Variants in CCNF observed in about 807,000 individuals in gnomAD.
CCNF encodes the protein cyclin F, also known as cyclin-F.
Under a neutral mutation model 85.4 loss-of-function variants are expected in CCNF, and 30 were observed. That is an observed-to-expected ratio of 0.35 (90% CI 0.26 to 0.48). The LOEUF (loss-of-function observed/expected upper bound fraction) is 0.48. Ranked by LOEUF, CCNF falls within the 20% of genes least tolerant of loss-of-function variation. The probability of loss-of-function intolerance (pLI) is 0.99; values close to 1 mark genes in which losing one functional copy is unlikely to be tolerated. For synonymous variants in CCNF, 439 were observed against 425.1 expected (o/e 1.03, Z -0.40); for missense variants, 919 against 1,010.4 (o/e 0.91, Z 1.23).
intron 2 of CCNF, among the ~76,000 whole-genome samples, chr16:2,432,049 C>T (rs1039790979): frequency 2.0e-5 from 3 of 152,064 alleles, no homozygotes; most frequent in Non-Finnish European, 4.4e-5. Context: ...CCAGGATGGT[C>T]TCTATCTCTT....
intron 2 of CCNF, among the ~76,000 whole-genome samples, chr16:2,431,545 T>C (rs954054491): frequency 6.6e-6 from 1 of 151,654 alleles, no homozygotes; most frequent in Admixed American, 6.6e-5. Context: ...CCGGGCGTGG[T>C]GTCTCACGCC....
At chr16:2,435,327 C>T (rs563498920) in intron 3 of CCNF, among the ~76,000 whole-genome samples, 2 of 151,526 alleles carry the variant, frequency 1.3e-5, no homozygotes, top group Non-Finnish European at 1.5e-5. Context: ...CCTATAATCC[C>T]AGCACTTTAT....
Position 2,456,627 on chromosome 16 carries a change from G to A in CCNF, c.1968G>A (p.Glu656=). The change falls in exon 17 of 17, where the codon GAG becomes GAA. Residue 656 remains glutamate (E), a synonymous_variant. Coordinates refer to ENST00000397066, the MANE Select transcript of CCNF (RefSeq NM_001761.3). This position sits in a 1 kb window ranked among gnomAD's most constrained non-coding sequence, Gnocchi z 4.5. ...EQHCCQESSD[E]EACPEDKGPQ... is the part of the protein sequence containing the mutation. ...ATTGCTGCCAGGAATCCAGTGATGA[G>A]GAGGCTTGTCCAGAGGACAAGGGAC... 1 of 1,609,880 alleles carries A rather than the reference G, an allele frequency of 6.2e-7. No homozygotes were observed. Among genetic ancestry groups the A allele is most frequent in the Non-Finnish European group, 8.5e-7 (1 of 1,178,536 alleles).
intron 12 of CCNF, among the ~76,000 whole-genome samples, 167 bp from the exon 13 acceptor site, chr16:2,449,661 A>C (rs1295834956): frequency 6.6e-6 from 1 of 152,068 alleles, no homozygotes; most frequent in Non-Finnish European, 1.5e-5. Flanking sequence ...GTTTTTTTCA[A>C]AACTATTTTA....
At position 2,439,584 on chromosome 16, in the gene CCNF, C is replaced by T. The variant is rs533012240; in HGVS notation, c.699+127C>T. 2,681 of 898,434 alleles carry T rather than the reference C, an allele frequency of 3.0e-3. 98 individuals carry two copies. In the South Asian group the frequency reaches 0.039, roughly 13 times the overall value. The allele number at this position is 898,434 out of a possible 1,614,324, so 55.7% of individuals were successfully genotyped here. ...TTGCTGCTCCCGGTCTCTCAGCCTCCGGGAACCACTGGTCAGTCGGCTATT... is the reference window on the plus strand; with the variant it reads ...TTGCTGCTCCCGGTCTCTCAGCCTCTGGGAACCACTGGTCAGTCGGCTATT... On this transcript the variant is annotated intron_variant, in intron 7 of 16. Coordinates refer to ENST00000397066, the MANE Select transcript of CCNF (RefSeq NM_001761.3).
In CCNF at chr16:2,429,456, C is replaced by G; in HGVS notation, c.-26C>G. ...GCGCGGGCGCGCTCTCAGGCGGGCT[C>G]CGGCGGCAGCGACGCGAGCGCGGCG... On this transcript the variant is annotated 5_prime_UTR_variant, in exon 1 of 17. Coordinates refer to ENST00000397066, the MANE Select transcript of CCNF (RefSeq NM_001761.3). The G allele has an allele frequency of 8.2e-7, 1 of 1,221,460 alleles. No individual in the cohort carries two copies. Among genetic ancestry groups the G allele is most frequent in the Non-Finnish European group, 1.0e-6 (1 of 982,070 alleles). The allele number at this position is 1,221,460 out of a possible 1,614,324, so 75.7% of individuals were successfully genotyped here. A position where few individuals can be genotyped will look rare whatever the true frequency, so the allele number is the denominator to read the frequency against.
chr16:2,431,873 C>CA (rs2065264695), intron 2 of CCNF, among the ~76,000 whole-genome samples: 3 of 151,348 alleles, frequency 2.0e-5, no homozygotes, highest in Non-Finnish European at 4.4e-5. Flanking sequence ...CTCTGCCACC[C>CA]AGGCTGGAGT....
intron 10 of CCNF, among the ~76,000 whole-genome samples, chr16:2,447,255 A>G (rs1245253218): frequency 6.6e-6 from 1 of 152,002 alleles, no homozygotes; most frequent in African/African-American, 2.4e-5. Context: ...AGCTCCCTCA[A>G]ATCAACTCTG....
chr16:2,449,001 T>C, intron 11 of CCNF, 23 bp downstream of exon 11: 1 of 1,613,242 alleles, frequency 6.2e-7, no homozygotes. Flanking sequence ...TCCATTTTCC[T>C]TATTAATCTT....
chr16:2,445,726 GT>G (rs141290345), intron 10 of CCNF, 104 bp downstream of exon 10: 1 of 835,020 alleles, frequency 1.2e-6, no homozygotes, highest in African/African-American at 1.9e-5. Flanking sequence ...TTTGTTTTGT[GT>G]TGTTTTTTTT....
intron 8 of CCNF, among the ~76,000 whole-genome samples, chr16:2,442,364 A>G (rs1451689395): frequency 8.6e-6 from 1 of 116,896 alleles, no homozygotes. Context: ...CTATTATTAT[A>G]TTATAACATA....
rs563403314 is a variant in CCNF at position 2,457,616 on chromosome 16, C to G, written c.*596C>G. The stretch of plus-strand genomic sequence containing the variant: ...TTGGCCACAGGCCCACTCCCTACGA[C>G]ACGTGACTCGTTTTAGAGCTCTGTC... On this transcript the variant is annotated 3_prime_UTR_variant, in exon 17 of 17. Transcript: ENST00000397066. 6.6e-6 allele frequency: 1 copy of G among 152,540 alleles called. No homozygotes were observed. Among genetic ancestry groups the G allele is most frequent in the Non-Finnish European group, 1.5e-5 (1 of 68,286 alleles). The allele number at this position is 152,540 out of a possible 1,614,324, so 9.4% of individuals were successfully genotyped here. A position where few individuals can be genotyped will look rare whatever the true frequency, so the allele number is the denominator to read the frequency against.
chr16:2,443,719 T>C lies in CCNF; in HGVS notation c.848T>C (p.Val283Ala). The change falls in exon 9 of 17, where the codon GTC (valine) becomes GCC (alanine). Residue 283 changes from valine to alanine, a missense_variant. Around this residue, in one of 3 missense-constraint regions of CCNF, gnomAD observed 410 missense variants for 478.6 expected, o/e 0.86. Transcript: ENST00000397066. ...GLEVRASSEI[V>A]CQLFQASQAV... ...GAGGTGAGAGCTTCCAGTGAGATCG[T>C]CTGCCAGCTATTTCAGGCTTCCCAG... 6.2e-7 allele frequency: 1 copy of C among 1,614,114 alleles called. No homozygotes were observed. The highest frequency in any genetic ancestry group is 8.5e-7 in the Non-Finnish European group (1 of 1,179,952).
At chr16:2,443,885 G>C in intron 9 of CCNF, 85 bp downstream of exon 9, 2 of 1,296,436 alleles carry the variant, frequency 1.5e-6, no homozygotes, top group African/African-American at 1.5e-5. Flanking sequence ...CTTAACCCCA[G>C]TTACCTGTGA....
Position 2,449,914 on chromosome 16 carries a change from T to C in CCNF, c.1486T>C (p.Cys496Arg). Residue 496 changes from cysteine (C) to arginine (R), a missense_variant and splice_region_variant, in exon 13 of 17, where the codon TGC (cysteine) becomes CGC (arginine). This residue lies in a region of CCNF where 505 missense variants were observed against 514.8 expected (regional missense o/e 0.98). Coordinates refer to ENST00000397066, the MANE Select transcript of CCNF (RefSeq NM_001761.3). ...CTGCGTCTTGAGCCTCCATAAGAAG[T>C]GGTGAGTTTTGGCCGGGCGCAGAGG... The part of the protein sequence containing the change: ...IPCVLSLHKK[C>R]FHDDAPKDYR... 1 of 1,610,178 alleles carries C rather than the reference T, an allele frequency of 6.2e-7. No individual in the cohort carries two copies. The highest frequency in any genetic ancestry group is 8.5e-7 in the Non-Finnish European group (1 of 1,176,938).
rs761074909 is a variant in CCNF at position 2,445,459 on chromosome 16, T to C, written c.931T>C (p.Tyr311His). 6.2e-7 allele frequency: 1 copy of C among 1,614,120 alleles called. No individual in the cohort carries two copies. The highest frequency in any genetic ancestry group is 8.5e-7 in the Non-Finnish European group (1 of 1,180,022). Residue 311 changes from tyrosine (Y) to histidine (H), a missense_variant and splice_region_variant, in exon 10 of 17, where the codon TAC becomes CAC. Physicochemically the swap from Tyr to His is moderately conservative, Grantham distance 83. Around this residue, in one of 3 missense-constraint regions of CCNF, gnomAD observed 410 missense variants for 478.6 expected, o/e 0.86. Transcript: ENST00000397066. ...VQKGLNDTMRYILIDWLVEVA... is the reference protein window; with the variant it reads ...VQKGLNDTMRHILIDWLVEVA... ...TCCCACGTGCTTCTCTTTCCGCAGGTACATTCTGATCGACTGGCTGGTGGA... is the reference window on the plus strand; with the variant it reads ...TCCCACGTGCTTCTCTTTCCGCAGGCACATTCTGATCGACTGGCTGGTGGA...
Position 2,437,247 on chromosome 16 carries a change from T to A in CCNF, c.465T>A (p.Pro155=), listed in dbSNP as rs1234194818. Residue 155 remains proline (P), a synonymous_variant, in exon 5 of 17, where the codon CCT becomes CCA. Coordinates refer to ENST00000397066, the MANE Select transcript of CCNF (RefSeq NM_001761.3). ...AAPFIWLFIR[P]PWSVSGSCCK... is the part of the protein sequence containing the mutation. ...CTTTCATCTGGCTCTTCATCCGCCC[T>A]CCGTGGTCGGTGAGCGGAAGCTGCT... 1 of 1,611,896 alleles carries A rather than the reference T, an allele frequency of 6.2e-7. No homozygotes were observed. Among genetic ancestry groups the A allele is most frequent in the East Asian group, 2.2e-5 (1 of 44,846 alleles).
At chr16:2,447,341 T>C (rs1052667490) in intron 10 of CCNF, among the ~76,000 whole-genome samples, 18 of 151,572 alleles carry the variant, frequency 1.2e-4, no homozygotes, top group Non-Finnish European at 1.6e-4. Flanking sequence ...TCCCAGCACT[T>C]TGGGAGGCTG....
At position 2,445,559 on chromosome 16, in the gene CCNF, G is replaced by A. The variant is rs371050277; in HGVS notation, c.1031G>A (p.Arg344Lys). The A allele has an allele frequency of 3.3e-5, 54 of 1,614,028 alleles. No homozygotes were observed. In the East Asian group the frequency reaches 5.6e-4, roughly 17 times the overall value. The change falls in exon 10 of 17, where the codon AGG becomes AAG. Residue 344 changes from arginine to lysine, a missense_variant. This residue lies in a region of CCNF where 410 missense variants were observed against 478.6 expected (regional missense o/e 0.86). Coordinates refer to ENST00000397066, the MANE Select transcript of CCNF (RefSeq NM_001761.3). ...TVECVDRYLRRRLVPRYRLQL... is the reference protein window; with the variant it reads ...TVECVDRYLRKRLVPRYRLQL... The stretch of plus-strand genomic sequence containing the variant: ...GAGTGTGTGGACCGGTACCTGCGGA[G>A]GAGGCTGGTGCCGCGGTACAGGCTC...
Sources: gnomAD v4.1 joint callset for allele counts (sites outside exome capture counted in the v4.1 genomes callset) on GRCh38, gnomAD v4.1.1 for gene constraint, gnomAD v4.1.1 regional missense constraint, Gnocchi (gnomAD v3.1) non-coding constraint, MANE v1.5 for transcripts, NCBI Gene and HGNC (gene_info 2026-07-23, HGNC 2026-07-21) for gene names.